TRAPPC8: variants seen among roughly 807,000 people sequenced by gnomAD.
TRAPPC8 encodes general sporulation gene 1 homolog.
Under a neutral mutation model 174.3 loss-of-function variants are expected in TRAPPC8, and 54 were observed. That is an observed-to-expected ratio of 0.31 (90% CI 0.25 to 0.39). The LOEUF is 0.39. Among genes scored for constraint, TRAPPC8 ranks in the 10% least tolerant of loss-of-function variants. The pLI, the probability that TRAPPC8 is intolerant of heterozygous loss-of-function variation, is 1.00. For missense variants in TRAPPC8, 1,531 were observed against 1,699.1 expected (o/e 0.90, Z 1.74); for synonymous variants, 630 against 579.9 (o/e 1.09, Z -1.24).
intron 2 of TRAPPC8, among the ~76,000 whole-genome samples, chr18:31,922,410 T>C (rs985502932): frequency 1.3e-5 from 2 of 150,988 alleles, no homozygotes; most frequent in Non-Finnish European, 3.0e-5. Context: ...CTGGGAAACA[T>C]AGCAAACCCT....
intron 12 of TRAPPC8, among the ~76,000 whole-genome samples, chr18:31,889,001 A>G (rs2035841515): frequency 6.6e-6 from 1 of 152,188 alleles, no homozygotes. Flanking sequence ...TATGCACCCT[A>G]ACTTCCAAGG....
chr18:31,874,225 CT>C (rs913109085), intron 13 of TRAPPC8: 45,436 of 355,140 alleles, frequency 0.13, no homozygotes, highest in East Asian at 0.18. Context: ...CCTGTGGAAT[CT>C]TTTTTTTTTT....
At chr18:31,836,404 C>T (rs969732893) in intron 27 of TRAPPC8, among the ~76,000 whole-genome samples, 1 of 152,016 alleles carries the variant, frequency 6.6e-6, no homozygotes, top group Non-Finnish European at 1.5e-5. Flanking sequence ...GTTTTTTAAC[C>T]CCTAAGTAGA....
chr18:31,885,654 T>A (rs2035670901), intron 12 of TRAPPC8, among the ~76,000 whole-genome samples: 2 of 151,692 alleles, frequency 1.3e-5, no homozygotes, highest in East Asian at 3.9e-4. Flanking sequence ...AGGTCAGGAG[T>A]TCGAGACCAA....
chr18:31,833,035 T>C (rs2032471533), intron 27 of TRAPPC8, among the ~76,000 whole-genome samples: 1 of 152,186 alleles, frequency 6.6e-6, no homozygotes, highest in Non-Finnish European at 1.5e-5. Context: ...CAGGTTTCCC[T>C]AAACAAAAAC....
intron 24 of TRAPPC8, among the ~76,000 whole-genome samples, chr18:31,851,234 C>T (rs2033687264): frequency 6.6e-6 from 1 of 152,170 alleles, no homozygotes; most frequent in South Asian, 2.1e-4. Context: ...TTCAGATTAT[C>T]TTCAGGGATA....
chr18:31,853,741 A>G (rs1312965103), intron 22 of TRAPPC8, 108 bp downstream of exon 22: 1 of 738,526 alleles, frequency 1.4e-6, no homozygotes, highest in Non-Finnish European at 2.1e-6. Context: ...TCACAATTTA[A>G]TGCTTAAAAA....
intron 2 of TRAPPC8, among the ~76,000 whole-genome samples, chr18:31,928,183 TA>T (rs1161159407): frequency 1.2e-4 from 18 of 149,156 alleles, no homozygotes; most frequent in South Asian, 4.2e-4. Context: ...TAAAATAAAA[TA>T]AAATTAAAAT....
In TRAPPC8 at chr18:31,907,636, A is replaced by G. The variant is rs772857179; in HGVS notation, c.1239-26T>C. ...CTGTAAATACAAAAGAAAATAATTT[A>G]TAATTTATTACCCCCCAAACCATTA... is the stretch of plus-strand genomic sequence containing the variant. On this transcript the variant is annotated intron_variant, in intron 8 of 28. Transcript: ENST00000283351. The G allele has an allele frequency of 4.5e-6, 7 of 1,544,210 alleles. No homozygotes were observed. The East Asian group carries it at 1.2e-4, about 26-fold the overall frequency.
At chr18:31,859,833 T>C (rs1008595205) in intron 19 of TRAPPC8, among the ~76,000 whole-genome samples, 1 of 152,068 alleles carries the variant, frequency 6.6e-6, no homozygotes, top group African/African-American at 2.4e-5. Context: ...CTGACCAACA[T>C]GGTGAAGCCC....
chr18:31,830,675 G>T lies in TRAPPC8; in HGVS notation c.*80C>A. Reference sequence around the variant, plus strand: ...AGATATCAATCAACCTCCATAACAAGTTAGGTATATCAAATACTGCTGTAA... The same window carrying T: ...AGATATCAATCAACCTCCATAACAATTTAGGTATATCAAATACTGCTGTAA... On this transcript the variant is annotated 3_prime_UTR_variant, in exon 29 of 29. Transcript: ENST00000283351. 1 of 1,191,590 alleles carries T rather than the reference G, an allele frequency of 8.4e-7. No individual in the cohort carries two copies. 73.8% of individuals were successfully genotyped at this position (1,191,590 alleles called of 1,614,324 possible). A position where few individuals can be genotyped will look rare whatever the true frequency, so the allele number is the denominator to read the frequency against.
intron 25 of TRAPPC8, among the ~76,000 whole-genome samples, chr18:31,849,165 A>T (rs1568041218): frequency 6.6e-6 from 1 of 152,194 alleles, no homozygotes; most frequent in Admixed American, 6.5e-5. Context: ...ATTAACAATA[A>T]AAGAGAAGAG....
In TRAPPC8 at chr18:31,942,750, T is replaced by G; in HGVS notation, c.15A>C (p.Val5=). The change falls in exon 1 of 29, where the codon GTA becomes GTC. Residue 5 remains valine, a synonymous_variant. Transcript: ENST00000283351. Reference sequence around the variant, plus strand: ...CCGGGATTAGCTCCTGCACTGATTGTACACACTGGGCCATCGCCGCAGCAC... The same window carrying G: ...CCGGGATTAGCTCCTGCACTGATTGGACACACTGGGCCATCGCCGCAGCAC... MAQC[V]QSVQELIPDS... is the part of the protein sequence containing the mutation. 6.5e-7 allele frequency: 1 copy of G among 1,549,512 alleles called. No homozygotes were observed. The highest frequency in any genetic ancestry group is 8.7e-7 in the Non-Finnish European group (1 of 1,146,820).
intron 2 of TRAPPC8, among the ~76,000 whole-genome samples, chr18:31,928,336 T>TACACACACACACAC (rs34570497): frequency 7.0e-6 from 1 of 142,854 alleles, no homozygotes; most frequent in Non-Finnish European, 1.5e-5. Context: ...ACCTTATCTC[T>TACACACACACACAC]ACACACACAC....
chr18:31,906,581 C>G (rs926500857), intron 9 of TRAPPC8, among the ~76,000 whole-genome samples: 43 of 152,188 alleles, frequency 2.8e-4, no homozygotes, highest in Non-Finnish European at 4.3e-4. Flanking sequence ...GCTTACATGT[C>G]TTTTAAAAGA....
chr18:31,903,903 A>G (rs2036550688), intron 9 of TRAPPC8, among the ~76,000 whole-genome samples: 1 of 151,838 alleles, frequency 6.6e-6, no homozygotes, highest in Non-Finnish European at 1.5e-5. Flanking sequence ...CTAGGACTTT[A>G]GTTAATAATT....
intron 2 of TRAPPC8, among the ~76,000 whole-genome samples, chr18:31,928,354 C>T (rs1197902041): frequency 6.6e-6 from 1 of 150,816 alleles, no homozygotes; most frequent in African/African-American, 2.4e-5. Context: ...CACACACACA[C>T]ACACACACAC....
chr18:31,905,535 A>G (rs1052244252), intron 9 of TRAPPC8, among the ~76,000 whole-genome samples: 2 of 152,108 alleles, frequency 1.3e-5, no homozygotes, highest in Non-Finnish European at 2.9e-5. Flanking sequence ...TCTCTATAAA[A>G]AAATTATTTT....
rs941644509 is a variant in TRAPPC8 at position 31,848,411 on chromosome 18, C to T, written c.3735+1155G>A. Among the ~76,000 whole-genome samples the T allele has an allele frequency of 2.0e-5, 3 of 152,254 alleles. No individual in the cohort carries two copies. In the South Asian group the frequency reaches 6.2e-4, roughly 32 times the overall value. On this transcript the variant is annotated intron_variant, in intron 25 of 28. Coordinates refer to ENST00000283351, the MANE Select transcript of TRAPPC8 (RefSeq NM_014939.5). ...ATTATAGATTGCTACACGGCATAAA[C>T]CTATTGAATGAAGACACAAATGCCA...
Sources: allele counts gnomAD v4.1 joint callset (sites outside exome capture counted in the v4.1 genomes callset), GRCh38; gene constraint gnomAD v4.1.1; transcripts MANE v1.5; gene names NCBI Gene and HGNC (gene_info 2026-07-23, HGNC 2026-07-21).